Variants in FREM1 observed in about 807,000 individuals in gnomAD.
FREM1 encodes FRAS1 related extracellular matrix 1.
In FREM1, 220 loss-of-function variants were observed where a neutral mutation model predicts 210.1. The ratio of observed to expected loss-of-function variants is 1.05; its 90% confidence interval spans 0.94 to 1.17. The LOEUF (loss-of-function observed/expected upper bound fraction) is 1.17, where lower values mean the gene tolerates loss of function less well. Ranked by LOEUF, FREM1 falls within the 50% of genes most tolerant of loss-of-function variation. The probability of loss-of-function intolerance (pLI) is 0.00; values close to 1 mark genes in which losing one functional copy is unlikely to be tolerated. For missense variants in FREM1, 3,454 were observed against 2,675.5 expected, an observed-to-expected ratio of 1.29 and a Z score of -6.42; for synonymous variants, 1,189 against 980.2, an observed-to-expected ratio of 1.21 and a Z score of -3.98.
rs1226929550 is a variant in FREM1 at position 14,863,921 on chromosome 9, T to A, written c.235-18A>T. The A allele has an allele frequency of 6.8e-7, 1 of 1,480,954 alleles. No homozygotes were observed. The highest frequency in any genetic ancestry group is 9.4e-7 in the Non-Finnish European group (1 of 1,059,980). The allele number at this position is 1,480,954 out of a possible 1,614,324, so 91.7% of individuals were successfully genotyped here. Reference sequence around the variant, plus strand: ...TCAAAGACCTAGTTCACATGAAGAATTGGATAAATATCTATGAGAAAATTG... The same window carrying A: ...TCAAAGACCTAGTTCACATGAAGAAATGGATAAATATCTATGAGAAAATTG... On this transcript the variant is annotated intron_variant, in intron 2 of 36. Coordinates refer to ENST00000380880, the MANE Select transcript of FREM1 (RefSeq NM_001379081.2).
chr9:14,781,191 T>C (rs1297427379), intron 24 of FREM1, among the ~76,000 whole-genome samples: 1 of 152,178 alleles, frequency 6.6e-6, no homozygotes, highest in African/African-American at 2.4e-5. Flanking sequence ...ATGTGTACAA[T>C]GGGAACACTA....
intron 14 of FREM1, 29 bp from the exon 15 acceptor site, chr9:14,816,900 CT>C: frequency 1.1e-6 from 1 of 906,380 alleles, no homozygotes; most frequent in Non-Finnish European, 1.6e-6. Context: ...TCACCAACCT[CT>C]TAGGAACAGT....
intron 15 of FREM1, among the ~76,000 whole-genome samples, chr9:14,815,900 G>A (rs1385494490): frequency 6.6e-6 from 1 of 152,118 alleles, no homozygotes; most frequent in Non-Finnish European, 1.5e-5. Context: ...AGCCTGCTTT[G>A]GCATCCCAAA....
chr9:14,765,922 C>A (rs751132470), intron 27 of FREM1, among the ~76,000 whole-genome samples: 1 of 152,178 alleles, frequency 6.6e-6, no homozygotes, highest in Non-Finnish European at 1.5e-5. Flanking sequence ...CAGAAGTTGG[C>A]CACATTCTGT....
chr9:14,808,263 T>G, intron 16 of FREM1, 129 bp from the exon 17 acceptor site: 2 of 570,280 alleles, frequency 3.5e-6, no homozygotes, highest in Non-Finnish European at 5.8e-6. Context: ...AAAATAAATG[T>G]AAAACCCAAT....
At chr9:14,742,443 T>C (rs1841743662) in intron 35 of FREM1, among the ~76,000 whole-genome samples, 2 of 152,078 alleles carry the variant, frequency 1.3e-5, no homozygotes, top group South Asian at 4.1e-4. Flanking sequence ...ATTCAAGAAG[T>C]GCATAATCTA....
At chr9:14,900,369 A>G (rs1003145502) in intron 1 of FREM1, among the ~76,000 whole-genome samples, 1 of 152,216 alleles carries the variant, frequency 6.6e-6, no homozygotes. Context: ...ATTTTATCTT[A>G]TTCTCCTCTA....
chr9:14,794,189 T>G (rs1156779117), intron 21 of FREM1, among the ~76,000 whole-genome samples: 1 of 152,120 alleles, frequency 6.6e-6, no homozygotes, highest in African/African-American at 2.4e-5. Flanking sequence ...GTAATTTATT[T>G]GTGAAGTGAT....
At chr9:14,841,676 T>G in intron 9 of FREM1, 87 bp from the exon 10 acceptor site, 2 of 1,067,202 alleles carry the variant, frequency 1.9e-6, no homozygotes, top group Non-Finnish European at 2.6e-6. Context: ...TTCAAAAGTC[T>G]TATCTGTCTA....
intron 27 of FREM1, among the ~76,000 whole-genome samples, chr9:14,769,414 A>AC (rs1359601695): frequency 6.6e-6 from 1 of 152,182 alleles, no homozygotes; most frequent in African/African-American, 2.4e-5. Flanking sequence ...CTGCAAACTC[A>AC]GTGTTGGATG....
chr9:14,797,738 T>C, intron 20 of FREM1, 96 bp from the exon 21 acceptor site: 1 of 1,032,642 alleles, frequency 9.7e-7, no homozygotes, highest in South Asian at 1.5e-5. Context: ...GCAGGGGTAT[T>C]AGCAAGAGTT....
chr9:14,802,201 C>T (rs565308795), intron 19 of FREM1, among the ~76,000 whole-genome samples: 156 of 152,292 alleles, frequency 1.0e-3, no homozygotes, highest in Middle Eastern at 3.4e-3. Context: ...TGTTTGCTTT[C>T]AAGAAGTCAT....
chr9:14,909,555 G>C (rs1051701520), intron 1 of FREM1, among the ~76,000 whole-genome samples: 4 of 152,154 alleles, frequency 2.6e-5, no homozygotes, highest in African/African-American at 9.7e-5. Flanking sequence ...GTTCATTTTT[G>C]TGTCTTTTCC....
intron 3 of FREM1, among the ~76,000 whole-genome samples, chr9:14,861,228 TACACATATATAC>T (rs1460767186): frequency 6.8e-5 from 7 of 103,352 alleles, no homozygotes; most frequent in South Asian, 2.7e-4. Flanking sequence ...TACACATATA[TACACATATATAC>T]ACACATATAT....
intron 24 of FREM1, among the ~76,000 whole-genome samples, chr9:14,782,728 G>C (rs980745983): frequency 6.6e-6 from 1 of 152,214 alleles, no homozygotes; most frequent in Non-Finnish European, 1.5e-5. Flanking sequence ...GACAGTAAGA[G>C]TAGTAGCTAA....
At chr9:14,740,022 C>A in intron 36 of FREM1, 127 bp downstream of exon 36, 1 of 515,200 alleles carries the variant, frequency 1.9e-6, no homozygotes, top group Non-Finnish European at 3.5e-6. Flanking sequence ...ATGGCTAGAT[C>A]TATTGGTTGC....
At chr9:14,891,174 A>G (rs1272316263) in intron 1 of FREM1, among the ~76,000 whole-genome samples, 1 of 152,214 alleles carries the variant, frequency 6.6e-6, no homozygotes, top group Non-Finnish European at 1.5e-5. Context: ...TGTAAAAGTG[A>G]GATTCTGTTT....
chr9:14,796,854 C>A (rs1301298625), intron 21 of FREM1, among the ~76,000 whole-genome samples: 3 of 152,204 alleles, frequency 2.0e-5, no homozygotes, highest in Non-Finnish European at 4.4e-5. Flanking sequence ...ATAAGTTACT[C>A]AGTCTTGGGT....
rs758051777 is a variant in FREM1 at position 14,804,318 on chromosome 9, G to C, written c.3471+638C>G. Among the ~76,000 whole-genome samples, 4 of 152,222 alleles carry C rather than the reference G, an allele frequency of 2.6e-5. 1 individual carries two copies. The East Asian group carries it at 7.7e-4, about 29-fold the overall frequency. On this transcript the variant is annotated intron_variant, in intron 19 of 36. Coordinates refer to ENST00000380880, the MANE Select transcript of FREM1 (RefSeq NM_001379081.2). Reference sequence around the variant, plus strand: ...ATGACAACTTTGGCTGGGTGCGGTGGCTCATGCCTGTAATCCCAGCACTTT... The same window carrying C: ...ATGACAACTTTGGCTGGGTGCGGTGCCTCATGCCTGTAATCCCAGCACTTT...
Sources: gnomAD v4.1 joint callset for allele counts (sites outside exome capture counted in the v4.1 genomes callset) on GRCh38, gnomAD v4.1.1 for gene constraint, MANE v1.5 for transcripts, NCBI Gene and HGNC (gene_info 2026-07-23, HGNC 2026-07-21) for gene names.